Variants in ZNF430 observed in about 807,000 individuals in gnomAD.
ZNF430 encodes zinc finger protein 430.
Under a neutral mutation model 56.7 loss-of-function variants are expected in ZNF430, and 35 were observed. The ratio of observed to expected loss-of-function variants is 0.62; its 90% CI spans 0.47 to 0.82. The LOEUF is 0.82. ZNF430 is among the 40% of genes least tolerant of loss of function. The probability of loss-of-function intolerance (pLI) is 0.00; values close to 1 mark genes in which losing one functional copy is unlikely to be tolerated. For missense variants in ZNF430, 574 were observed against 661.0 expected (o/e 0.87, Z 1.44); for synonymous variants, 212 against 224.3 (o/e 0.94, Z 0.49).
At chr19:21,034,908 G>GT (rs1207873843) in intron 4 of ZNF430, 3 of 152,106 alleles carry the variant, frequency 2.0e-5, no homozygotes, top group African/African-American at 7.2e-5. Flanking sequence ...CTGTTCCACT[G>GT]TTTTTTGTTG....
chr19:21,033,785 T>A, intron 3 of ZNF430: 1 of 616,032 alleles, frequency 1.6e-6, no homozygotes, highest in Non-Finnish European at 2.6e-6. Flanking sequence ...ATTCCTGGGC[T>A]GATCTGTATC....
At chr19:21,048,014 C>G (rs913381233) in intron 4 of ZNF430, among the ~76,000 whole-genome samples, 4 of 152,050 alleles carry the variant, frequency 2.6e-5, no homozygotes, top group Non-Finnish European at 4.4e-5. Context: ...TAAGTTTTTT[C>G]TCATTTCCTG....
rs141119242 is a variant in ZNF430, at chr19:21,053,525, C to A, written c.323-3106C>A. On this transcript the variant is annotated intron_variant, in intron 4 of 4. Transcript: ENST00000261560. ...TCTCCTGCCTCAGCCTCCCGAGTAG[C>A]TGGGATTACAGGCAGGTACCACCAC... 7.6e-3 allele frequency: 1,159 copies of A among 152,304 alleles called. 12 individuals carry two copies. The highest frequency in any genetic ancestry group is 9.3e-3 in the Non-Finnish European group (636 of 68,084). 9.4% of individuals were successfully genotyped at this position (152,304 alleles called of 1,614,324 possible). A position where few individuals can be genotyped will look rare whatever the true frequency, so the allele number is the denominator to read the frequency against.
intron 2 of ZNF430, 136 bp from the exon 3 acceptor site, chr19:21,033,320 A>T: frequency 1.6e-6 from 2 of 1,224,434 alleles, no homozygotes; most frequent in African/African-American, 1.6e-5. Context: ...AAAAAAAATT[A>T]TTGGATAATT....
chr19:21,039,881 ACCCAGG>A (rs1968072416), intron 4 of ZNF430, among the ~76,000 whole-genome samples: 1 of 151,792 alleles, frequency 6.6e-6, no homozygotes, highest in Admixed American at 6.6e-5. Flanking sequence ...ATACTCCGTC[ACCCAGG>A]CTGGAGTATA....
In ZNF430 at chr19:21,033,520, C is replaced by G; in HGVS notation, c.161C>G (p.Thr54Ser). 6.2e-7 allele frequency: 1 copy of G among 1,612,034 alleles called. No homozygotes were observed. The highest frequency in any genetic ancestry group is 8.5e-7 in the Non-Finnish European group (1 of 1,179,024). Reference sequence around the variant, plus strand: ...CTGGAGGAGTGGCAATGCCTGGACACTGCTCAGCAGGATTTGTATAGAAAA... The same window carrying G: ...CTGGAGGAGTGGCAATGCCTGGACAGTGCTCAGCAGGATTTGTATAGAAAA... Reference protein sequence around the residue: ...FSLEEWQCLDTAQQDLYRKVM... With the variant: ...FSLEEWQCLDSAQQDLYRKVM... The change falls in exon 3 of 5, where the codon ACT becomes AGT. Residue 54 changes from threonine (T) to serine (S), a missense_variant. By Grantham distance (58) the Thr-to-Ser change is moderately conservative. Transcript: ENST00000261560.
chr19:21,045,822 A>C (rs953376241), intron 4 of ZNF430, among the ~76,000 whole-genome samples: 1 of 152,048 alleles, frequency 6.6e-6, no homozygotes, highest in Non-Finnish European at 1.5e-5. Flanking sequence ...GTTGGTTTAA[A>C]GTCTATTTTG....
At chr19:21,035,332 G>A (rs1967976472) in intron 4 of ZNF430, 1 of 151,884 alleles carries the variant, frequency 6.6e-6, no homozygotes, top group African/African-American at 2.4e-5. Context: ...TTCTTTCTCT[G>A]TTAAAGTGTA....
rs1968436171 is a variant in ZNF430, at chr19:21,059,618, CT to C, written c.*1602del. The stretch of plus-strand genomic sequence containing the variant: ...TATAACTTTAAAAGGAGTAGAAGGG[CT>C]TTTTGCAGAGTTATTACGTTTGAAG... On this transcript the variant is annotated 3_prime_UTR_variant, in exon 5 of 5. Coordinates refer to ENST00000261560, the MANE Select transcript of ZNF430 (RefSeq NM_025189.4). The C allele has an allele frequency of 1.3e-5, 2 of 150,418 alleles. No homozygotes were observed. The highest frequency in any genetic ancestry group is 4.2e-4 in the South Asian group (2 of 4,762). 9.3% of individuals were successfully genotyped at this position (150,418 alleles called of 1,614,324 possible).
intron 4 of ZNF430, among the ~76,000 whole-genome samples, chr19:21,054,107 CAG>C (rs927056726): frequency 2.9e-4 from 44 of 152,144 alleles, no homozygotes; most frequent in African/African-American, 9.9e-4. Context: ...TATTAACTAA[CAG>C]ATGTTTATAA....
At chr19:21,023,771 T>G (rs566058213) in intron 2 of ZNF430, among the ~76,000 whole-genome samples, 1 of 152,318 alleles carries the variant, frequency 6.6e-6, no homozygotes, top group Admixed American at 6.5e-5. Context: ...TCTGTTCAAA[T>G]CCTGTTATCT....
At chr19:21,026,854 A>T (rs1307549595) in intron 2 of ZNF430, among the ~76,000 whole-genome samples, 1 of 26,494 alleles carries the variant, frequency 3.8e-5, no homozygotes, top group African/African-American at 7.4e-5. Flanking sequence ...TTTTTTTGAG[A>T]CAGAGTCTTG....
At chr19:21,038,054 G>T (rs553627466) in intron 4 of ZNF430, among the ~76,000 whole-genome samples, 16 of 152,098 alleles carry the variant, frequency 1.1e-4, no homozygotes, top group Non-Finnish European at 1.9e-4. Flanking sequence ...CAGAAATTTT[G>T]AAGTATAGCA....
intron 4 of ZNF430, among the ~76,000 whole-genome samples, chr19:21,046,741 G>A (rs1368238216): frequency 2.0e-5 from 3 of 152,066 alleles, no homozygotes; most frequent in African/African-American, 4.8e-5. Context: ...AGGTGATGTG[G>A]CGTTTCTCTC....
chr19:21,030,369 A>G (rs1967878104), intron 2 of ZNF430, among the ~76,000 whole-genome samples: 1 of 152,246 alleles, frequency 6.6e-6, no homozygotes, highest in Non-Finnish European at 1.5e-5. Flanking sequence ...TTGAACACTT[A>G]GTATCAACTT....
chr19:21,054,876 G>C (rs569901616), intron 4 of ZNF430, among the ~76,000 whole-genome samples: 11 of 151,322 alleles, frequency 7.3e-5, no homozygotes, highest in Non-Finnish European at 1.6e-4. Context: ...AGGTTTCGCC[G>C]TATTAGCCAG....
At chr19:21,022,906 G>A in intron 2 of ZNF430, 25 bp downstream of exon 2, 1 of 1,523,578 alleles carries the variant, frequency 6.6e-7, no homozygotes, top group East Asian at 2.3e-5. Context: ...TGTTAAAATT[G>A]TCTTCACCCA....
At position 21,034,484 on chromosome 19, in the gene ZNF430, A is replaced by G. The variant is rs138535673; in HGVS notation, c.322+300A>G. On this transcript the variant is annotated intron_variant, in intron 4 of 4. Transcript: ENST00000261560. ...CCATTGTTTTGGGGGACACACAAAT[A>G]TCTACATGATTTTGAGAAACTCTAT... 4.3e-3 allele frequency: 1,120 copies of G among 260,264 alleles called. 5 individuals are homozygous for G. The highest frequency in any genetic ancestry group is 9.0e-3 in the African/African-American group (404 of 44,986). The allele number at this position is 260,264 out of a possible 1,614,324, so 16.1% of individuals were successfully genotyped here.
chr19:21,043,651 G>A (rs1338061048), intron 4 of ZNF430, among the ~76,000 whole-genome samples: 1 of 152,104 alleles, frequency 6.6e-6, no homozygotes, highest in Non-Finnish European at 1.5e-5. Context: ...CTAATTCTGT[G>A]AAAGATGTCA....
Sources: gnomAD v4.1 joint callset for allele counts (sites outside exome capture counted in the v4.1 genomes callset) on GRCh38, gnomAD v4.1.1 for gene constraint, MANE v1.5 for transcripts, NCBI Gene and HGNC (gene_info 2026-07-23, HGNC 2026-07-21) for gene names.